Variants in LRP1 observed in about 807,000 individuals in gnomAD.
LRP1 encodes prolow-density lipoprotein receptor-related protein 1.
In LRP1, 51 loss-of-function variants were observed where a neutral mutation model predicts 541.5. The observed-to-expected ratio is 0.09, with a 90% CI of 0.08 to 0.12. The LOEUF (loss-of-function observed/expected upper bound fraction) is 0.12. Ranked by LOEUF, LRP1 falls within the 10% of genes least tolerant of loss-of-function variation. LRP1 has a pLI of 1.00. For missense variants in LRP1, 3,878 were observed against 6,376.2 expected, an observed-to-expected ratio of 0.61 and a Z score of 13.34; for synonymous variants, 2,219 against 2,470.8, an observed-to-expected ratio of 0.90 and a Z score of 3.02.
At position 57,211,384 on chromosome 12, in the gene LRP1, C is replaced by G. The variant is rs770216175; in HGVS notation, c.13091+34C>G. 1.1e-5 allele frequency: 18 copies of G among 1,611,340 alleles called. No homozygotes were observed. Among genetic ancestry groups the G allele is most frequent in the East Asian group, 2.2e-5 (1 of 44,864 alleles). On this transcript the variant is annotated intron_variant, in intron 84 of 88. Coordinates refer to ENST00000243077, the MANE Select transcript of LRP1 (RefSeq NM_002332.3). This position sits in a 1 kb window ranked among gnomAD's most constrained non-coding sequence, Gnocchi z 4.3. Reference sequence around the variant, plus strand: ...GGCCCTCCTCCACAGTTCCACCCAGCTGGGCCCCTGCCCTGTCCTAGCCCT... The same window carrying G: ...GGCCCTCCTCCACAGTTCCACCCAGGTGGGCCCCTGCCCTGTCCTAGCCCT...
At chr12:57,142,531 GCGGGCC>G (rs1450229241) in intron 3 of LRP1, among the ~76,000 whole-genome samples, 1 of 152,146 alleles carries the variant, frequency 6.6e-6, no homozygotes, top group Non-Finnish European at 1.5e-5. Context: ...GATGCAGAAT[GCGGGCC>G]TGGGGGCTGA....
At chr12:57,200,303 G>A (rs920396858) in intron 62 of LRP1, 139 bp from the exon 63 acceptor site, 14 of 682,972 alleles carry the variant, frequency 2.0e-5, no homozygotes, top group African/African-American at 1.1e-4. Context: ...TGGCCTTTCC[G>A]AACTCACCAT....
intron 83 of LRP1, 45 bp downstream of exon 83, chr12:57,210,924 G>T (rs116060904): frequency 1.9e-6 from 3 of 1,584,860 alleles, no homozygotes; most frequent in Non-Finnish European, 1.7e-6. Context: ...GGAGGGTGAC[G>T]GGGGACCCCA....
chr12:57,173,224 C>T lies in LRP1; in HGVS notation c.3220C>T (p.Leu1074=), dbSNP rs1359009452. The T allele has an allele frequency of 3.7e-6, 6 of 1,613,920 alleles. No homozygotes were observed. The Admixed American group carries it at 1.0e-4, about 27-fold the overall frequency. The change falls in exon 21 of 89, where the codon CTA becomes TTA. Residue 1074 remains leucine (L), a synonymous_variant. Transcript: ENST00000243077. The surrounding 1 kb of genome is among the most constrained non-coding windows in gnomAD (Gnocchi z 4.7). ...TGAGTTCCAGTGCCGGCTGGATGGACTATGCATCCCCCTGCGGTGGCGCTG... is the reference window on the plus strand; with the variant it reads ...TGAGTTCCAGTGCCGGCTGGATGGATTATGCATCCCCCTGCGGTGGCGCTG... ...TDEFQCRLDG[L]CIPLRWRCDG...
At chr12:57,192,525 A>G (rs945167288) in intron 44 of LRP1, among the ~76,000 whole-genome samples, 3 of 152,060 alleles carry the variant, frequency 2.0e-5, no homozygotes, top group African/African-American at 7.2e-5. Context: ...GGTGTCTCCC[A>G]TGCGCCCTGG....
rs561473692 is a variant in LRP1, at chr12:57,156,704, G to T, written c.1418-73G>T. ...ACCACAGCAGCAGGGGGTGTGGTCA[G>T]ATTCAGGAAGCCTTCTCAAGGCCTG... On this transcript the variant is annotated intron_variant, in intron 9 of 88. Transcript: ENST00000243077. This position sits in a 1 kb window ranked among gnomAD's most constrained non-coding sequence, Gnocchi z 5.2. 3.2e-4 allele frequency: 474 copies of T among 1,494,018 alleles called. 2 individuals are homozygous for T. Among genetic ancestry groups the T allele is most frequent in the South Asian group, 2.2e-3 (169 of 78,378 alleles). The allele number at this position is 1,494,018 out of a possible 1,614,324, so 92.5% of individuals were successfully genotyped here.
chr12:57,143,243 G>A (rs940473733), intron 3 of LRP1, among the ~76,000 whole-genome samples: 4 of 152,190 alleles, frequency 2.6e-5, no homozygotes, highest in Admixed American at 6.5e-5. Flanking sequence ...GCCAGAGCTG[G>A]GATCCTGTGG....
intron 46 of LRP1, 63 bp downstream of exon 46, chr12:57,193,367 G>C (rs938253983): frequency 6.3e-7 from 1 of 1,591,720 alleles, no homozygotes. Context: ...CCTCCCCCAG[G>C]CCCCTGCAGG....
At chr12:57,194,870 G>GCC in intron 50 of LRP1, 115 bp from the exon 51 acceptor site, 1 of 1,164,640 alleles carries the variant, frequency 8.6e-7, no homozygotes, top group Non-Finnish European at 1.3e-6. Flanking sequence ...CTGCTGCTGA[G>GCC]CCCCCCCACA....
Position 57,175,624 on chromosome 12 carries a change from G to A in LRP1, c.3712G>A (p.Asp1238Asn), listed in dbSNP as rs372918817. ...GCATCTCAAATGCAGCCAAAAGTGCGACCAGAACAAGTTCAGCGTGAAGTG... is the reference window on the plus strand; with the variant it reads ...GCATCTCAAATGCAGCCAAAAGTGCAACCAGAACAAGTTCAGCGTGAAGTG... ...AKHLKCSQKC[D>N]QNKFSVKCSC... The change falls in exon 23 of 89, where the codon GAC (aspartate) becomes AAC (asparagine). Residue 1238 changes from aspartate (D) to asparagine (N), a missense_variant. Physicochemically the swap from Asp to Asn is conservative, Grantham distance 23. Transcript: ENST00000243077. 36 of 1,612,444 alleles carry A rather than the reference G, an allele frequency of 2.2e-5. No individual in the cohort carries two copies. The highest frequency in any genetic ancestry group is 5.0e-5 in the Admixed American group (3 of 59,930).
chr12:57,173,484 G>T lies in LRP1; in HGVS notation c.3346+134G>T. On this transcript the variant is annotated intron_variant, in intron 21 of 88. Transcript: ENST00000243077. This position sits in a 1 kb window ranked among gnomAD's most constrained non-coding sequence, Gnocchi z 4.7. ...GTGCTGGGGACAGTGCAAGGCAAAA[G>T]GCAGTCCAGAGGAAGCTTGTGTGTC... 1 of 1,004,678 alleles carries T rather than the reference G, an allele frequency of 1.0e-6. No individual in the cohort carries two copies. Among genetic ancestry groups the T allele is most frequent in the Non-Finnish European group, 1.4e-6 (1 of 691,498 alleles). 62.2% of individuals were successfully genotyped at this position (1,004,678 alleles called of 1,614,324 possible). A position where few individuals can be genotyped will look rare whatever the true frequency, so the allele number is the denominator to read the frequency against.
chr12:57,195,808 G>A, intron 53 of LRP1, 28 bp downstream of exon 53: 1 of 1,614,102 alleles, frequency 6.2e-7, no homozygotes, highest in Non-Finnish European at 8.5e-7. Context: ...GTGGGAGGAG[G>A]CCCTGCCCTC....
rs1209911512 is a variant in LRP1, at chr12:57,183,118, G to A, written c.5663-261G>A. 3.3e-5 allele frequency among the ~76,000 whole-genome samples: 5 copies of A among 152,104 alleles called. No individual in the cohort carries two copies. The highest frequency in any genetic ancestry group is 1.2e-4 in the African/African-American group (5 of 41,400). On this transcript the variant is annotated intron_variant, in intron 34 of 88. Coordinates refer to ENST00000243077, the MANE Select transcript of LRP1 (RefSeq NM_002332.3). The surrounding 1 kb of genome is among the most constrained non-coding windows in gnomAD (Gnocchi z 6.1). ...GCTGGGTGGAGGCCGGCAGAGCACA[G>A]GGTGAGAAATCCGAGTCTCTGCTGC... is the stretch of plus-strand genomic sequence containing the variant.
chr12:57,159,713 AC>A, intron 11 of LRP1, 111 bp from the exon 12 acceptor site: 1 of 1,021,400 alleles, frequency 9.8e-7, no homozygotes, highest in Non-Finnish European at 1.5e-6. Flanking sequence ...GGGTCCCTGC[AC>A]CCCTCTGTAG....
rs1371696948 is a variant in LRP1 at position 57,178,041 on chromosome 12, C to T, written c.4362-318C>T. ...TCGGCTCACTGCAGGCTCCGCCCCC[C>T]GGGGTTCACGCTGAGGGTGCCTTTT... On this transcript the variant is annotated intron_variant, in intron 26 of 88. Transcript: ENST00000243077. The surrounding 1 kb of genome is among the most constrained non-coding windows in gnomAD (Gnocchi z 5.8). 1.3e-5 allele frequency among the ~76,000 whole-genome samples: 2 copies of T among 151,724 alleles called. No individual in the cohort carries two copies. Among genetic ancestry groups the T allele is most frequent in the African/African-American group, 2.4e-5 (1 of 41,262 alleles).
Position 57,209,828 on chromosome 12 carries a change from C to T in LRP1, c.12399C>T (p.Ala4133=), listed in dbSNP as rs758138166. 6.2e-7 allele frequency: 1 copy of T among 1,614,214 alleles called. No homozygotes were observed. The highest frequency in any genetic ancestry group is 1.1e-5 in the South Asian group (1 of 91,088). ...LVNLTGGLSH[A]SDVVLYHQHK... ...ACCTGACAGGGGGCCTGAGCCACGC[C>T]TCTGACGTGGTCCTTTACCATCAGC... The change falls in exon 80 of 89, where the codon GCC becomes GCT. Residue 4133 remains alanine, a synonymous_variant. Coordinates refer to ENST00000243077, the MANE Select transcript of LRP1 (RefSeq NM_002332.3).
At position 57,210,115 on chromosome 12, in the gene LRP1, C is replaced by T. The variant is rs769435148; in HGVS notation, c.12526C>T (p.Arg4176Trp). Reference sequence around the variant, plus strand: ...TGTCTGCACCTGTCCCAATGGGAAGCGGCTGGACAACGGCACATGCGTGCC... The same window carrying T: ...TGTCTGCACCTGTCCCAATGGGAAGTGGCTGGACAACGGCACATGCGTGCC... ...GPVCTCPNGKRLDNGTCVPVP... is the reference protein window; with the variant it reads ...GPVCTCPNGKWLDNGTCVPVP... Residue 4176 changes from arginine to tryptophan, a missense_variant, in exon 81 of 89, where the codon CGG (arginine) becomes TGG (tryptophan). Arg to Trp is a moderately radical substitution (Grantham distance 101). This residue lies in a region of LRP1 where 871 missense variants were observed against 1,212.4 expected (regional missense o/e 0.72). Coordinates refer to ENST00000243077, the MANE Select transcript of LRP1 (RefSeq NM_002332.3). The T allele has an allele frequency of 8.1e-6, 13 of 1,613,414 alleles. No homozygotes were observed. The highest frequency in any genetic ancestry group is 3.3e-5 in the Admixed American group (2 of 59,968).
In LRP1 at chr12:57,180,812, G is replaced by T; in HGVS notation, c.5527+5G>T. On this transcript the variant is annotated splice_donor_5th_base_variant and intron_variant, in intron 33 of 88. Coordinates refer to ENST00000243077, the MANE Select transcript of LRP1 (RefSeq NM_002332.3). ...ATGACGAGAGCATCCAGCTGGGTAG[G>T]TGCGAGGCCGGGCGGCCGCTGGGGG... 1 of 1,613,528 alleles carries T rather than the reference G, an allele frequency of 6.2e-7. No homozygotes were observed.
At chr12:57,196,688 C>G (rs1019415565) in intron 55 of LRP1, among the ~76,000 whole-genome samples, 2 of 152,296 alleles carry the variant, frequency 1.3e-5, no homozygotes, top group East Asian at 3.9e-4. Context: ...CAGCCAGGAG[C>G]AGGGAAGTGA....
Sources: allele counts gnomAD v4.1 joint callset (sites outside exome capture counted in the v4.1 genomes callset), GRCh38; gene constraint gnomAD v4.1.1; regional missense constraint gnomAD v4.1.1; non-coding constraint Gnocchi (gnomAD v3.1); transcripts MANE v1.5; gene names NCBI Gene and HGNC (gene_info 2026-07-23, HGNC 2026-07-21).